The following ANTXR2 variants were observed in gnomAD, a reference collection of about 807,000 sequenced individuals.
ANTXR2 encodes ANTXR cell adhesion molecule 2.
ANTXR2 carries 44 observed loss-of-function variants against 73.7 expected under a neutral mutation model. The observed-to-expected ratio is 0.60, with a 90% CI of 0.47 to 0.77. The LOEUF (loss-of-function observed/expected upper bound fraction) is 0.77. Among genes scored for constraint, ANTXR2 ranks in the 30% least tolerant of loss-of-function variants. The pLI, the probability that ANTXR2 is intolerant of heterozygous loss-of-function variation, is 0.00. For missense variants in ANTXR2, 604 were observed against 592.5 expected (o/e 1.02, Z -0.20); for synonymous variants, 217 against 205.9 (o/e 1.05, Z -0.46).
At chr4:79,984,136 GGAGTTCT>G (rs1392586586) in intron 13 of ANTXR2, among the ~76,000 whole-genome samples, 166 bp from the exon 14 acceptor site, 2 of 151,990 alleles carry the variant, frequency 1.3e-5, no homozygotes, top group Non-Finnish European at 2.9e-5. Flanking sequence ...AATTTCAAGT[GGAGTTCT>G]ACAGGATATG....
chr4:79,926,733 G>A (rs1222820837), intron 16 of ANTXR2, among the ~76,000 whole-genome samples: 1 of 152,024 alleles, frequency 6.6e-6, no homozygotes, highest in Non-Finnish European at 1.5e-5. Context: ...AAGCAAAAAT[G>A]CCTGAGCTGG....
rs202239324 is a variant in ANTXR2, at chr4:80,033,725, T to C, written c.698-155A>G. Among the ~76,000 whole-genome samples the C allele has an allele frequency of 4.6e-5, 7 of 152,208 alleles. No homozygotes were observed. In the East Asian group the frequency reaches 1.3e-3, roughly 29 times the overall value. On this transcript the variant is annotated intron_variant, in intron 8 of 16. Transcript: ENST00000403729. ...GAAGACATAGCTCTATATTTCCAAC[T>C]GTGCTGGCTTTCCCAGACCCTCTAG... is the stretch of plus-strand genomic sequence containing the variant.
intron 16 of ANTXR2, among the ~76,000 whole-genome samples, chr4:79,960,533 C>G (rs1028567815): frequency 1.3e-5 from 2 of 151,832 alleles, no homozygotes; most frequent in African/African-American, 4.8e-5. Flanking sequence ...AGAAAAAAAA[C>G]TTGTAATTAT....
chr4:79,983,907 G>A lies in ANTXR2; in HGVS notation c.1150C>T (p.Arg384Ter), dbSNP rs760484866. 6.8e-6 allele frequency: 11 copies of A among 1,609,876 alleles called. No homozygotes were observed. The highest frequency in any genetic ancestry group is 1.7e-4 in the Middle Eastern group (1 of 6,052). ...PTVDASYYGG[R>*]GVGGIKRMEV... ...ATTCTTTTAATTCCTCCAACCCCTCGACCACCATAATAGGAAGCATCCACA... is the reference window on the plus strand; with the variant it reads ...ATTCTTTTAATTCCTCCAACCCCTCAACCACCATAATAGGAAGCATCCACA... The change falls in exon 14 of 17, where the codon CGA (arginine) becomes TGA (stop). Residue 384 changes from arginine to a stop codon, truncating the protein, a stop_gained. Coordinates refer to ENST00000403729, the MANE Select transcript of ANTXR2 (RefSeq NM_058172.6). LOFTEE classifies it high-confidence loss of function.
intron 16 of ANTXR2, among the ~76,000 whole-genome samples, chr4:79,909,655 A>AAT (rs1560840518): frequency 1.3e-5 from 2 of 151,750 alleles, no homozygotes; most frequent in African/African-American, 4.9e-5. Context: ...CAAAAAAAAA[A>AAT]AAATAAAGAA....
chr4:80,014,843 T>C (rs1049447470), intron 11 of ANTXR2, among the ~76,000 whole-genome samples: 3 of 152,128 alleles, frequency 2.0e-5, no homozygotes, highest in African/African-American at 7.2e-5. Context: ...TAGGAGAAAG[T>C]TTACTTTTCC....
At chr4:80,027,216 C>G (rs1469941119) in intron 10 of ANTXR2, among the ~76,000 whole-genome samples, 1 of 151,926 alleles carries the variant, frequency 6.6e-6, no homozygotes, top group Non-Finnish European at 1.5e-5. Flanking sequence ...ATTAGGGATT[C>G]TATAGACATA....
chr4:79,976,496 A>T (rs1729643330), intron 16 of ANTXR2, among the ~76,000 whole-genome samples: 1 of 152,200 alleles, frequency 6.6e-6, no homozygotes, highest in Non-Finnish European at 1.5e-5. Context: ...ACTTTCCATG[A>T]CAATGACCCG....
intron 12 of ANTXR2, among the ~76,000 whole-genome samples, chr4:79,988,454 T>C (rs181730481): frequency 2.0e-4 from 31 of 151,624 alleles, no homozygotes; most frequent in African/African-American, 7.0e-4. Flanking sequence ...GACTTAACTC[T>C]CCTAAATACA....
chr4:80,030,577 T>C (rs945118347), intron 10 of ANTXR2, among the ~76,000 whole-genome samples: 7 of 152,098 alleles, frequency 4.6e-5, no homozygotes, highest in African/African-American at 1.7e-4. Context: ...GTAAGCCATC[T>C]TGTGCAGCTT....
At chr4:79,914,217 C>T (rs976580946) in intron 16 of ANTXR2, among the ~76,000 whole-genome samples, 1 of 152,048 alleles carries the variant, frequency 6.6e-6, no homozygotes, top group Non-Finnish European at 1.5e-5. Flanking sequence ...TCATGTTTCC[C>T]TTTTATTATA....
At chr4:79,951,297 C>G (rs534148135) in intron 16 of ANTXR2, among the ~76,000 whole-genome samples, 1 of 152,124 alleles carries the variant, frequency 6.6e-6, no homozygotes, top group Non-Finnish European at 1.5e-5. Context: ...GAACAGGACT[C>G]TGCTGGGCGT....
At chr4:80,051,304 C>T (rs1254833199) in intron 7 of ANTXR2, among the ~76,000 whole-genome samples, 2 of 151,822 alleles carry the variant, frequency 1.3e-5, no homozygotes, top group East Asian at 1.9e-4. Flanking sequence ...AGGGGACTAC[C>T]ATACTCCAAA....
Position 80,031,649 on chromosome 4 carries a change from A to G in ANTXR2, c.840T>C (p.Pro280=). The G allele has an allele frequency of 6.5e-7, 1 of 1,529,630 alleles. No homozygotes were observed. The highest frequency in any genetic ancestry group is 1.4e-5 in the African/African-American group (1 of 69,990). 94.8% of individuals were successfully genotyped at this position (1,529,630 alleles called of 1,614,324 possible). A position where few individuals can be genotyped will look rare whatever the true frequency, so the allele number is the denominator to read the frequency against. ...VSVQLNSMLC[P]APILNKAGET... ...CTCCAGCTTTATTCAGGATAGGTGC[A>G]GGACAAAGCATAGAATTAAGCTGTA... The change falls in exon 10 of 17, where the codon CCT becomes CCC. Residue 280 remains proline, a synonymous_variant. Transcript: ENST00000403729.
chr4:79,907,285 G>A lies in ANTXR2; in HGVS notation c.*144C>T. On this transcript the variant is annotated 3_prime_UTR_variant, in exon 17 of 17. Transcript: ENST00000403729. ...ATGTTTGGTGCAAGCAAAGCAGAAG[G>A]CAGAGAAAACATTTCCCGACTGAGA... The A allele has an allele frequency of 2.3e-6, 2 of 854,952 alleles. No homozygotes were observed. Among genetic ancestry groups the A allele is most frequent in the Middle Eastern group, 2.2e-4 (1 of 4,570 alleles). The allele number at this position is 854,952 out of a possible 1,614,324, so 53.0% of individuals were successfully genotyped here.
intron 14 of ANTXR2, among the ~76,000 whole-genome samples, chr4:79,980,203 T>C (rs952313576): frequency 6.6e-6 from 1 of 152,156 alleles, no homozygotes; most frequent in Non-Finnish European, 1.5e-5. Context: ...AATTCATTAG[T>C]TTTAGTTCAT....
intron 16 of ANTXR2, among the ~76,000 whole-genome samples, chr4:79,930,124 T>C (rs2109959465): frequency 6.6e-6 from 1 of 152,320 alleles, no homozygotes; most frequent in East Asian, 1.9e-4. Flanking sequence ...TGAATTTCTA[T>C]GTCTTGGATA....
rs1729696882 is a variant in ANTXR2 at position 79,977,661 on chromosome 4, T to C, written c.1388A>G (p.Tyr463Cys). Reference sequence around the variant, plus strand: ...AGGTCGCATCAAAGAAACCCGGTCATACTGCCGCCTCAACAAAGCCCAGAG... The same window carrying C: ...AGGTCGCATCAAAGAAACCCGGTCACACTGCCGCCTCAACAAAGCCCAGAG... ...DALWALLRRQ[Y>C]DRVSLMRPQE... Residue 463 changes from tyrosine to cysteine, a missense_variant, in exon 16 of 17, where the codon TAT (tyrosine) becomes TGT (cysteine). Coordinates refer to ENST00000403729, the MANE Select transcript of ANTXR2 (RefSeq NM_058172.6). The C allele has an allele frequency of 6.3e-7, 1 of 1,581,700 alleles. No individual in the cohort carries two copies. The highest frequency in any genetic ancestry group is 1.2e-5 in the South Asian group (1 of 86,092).
At chr4:80,070,687 T>C (rs1176851412) in intron 2 of ANTXR2, among the ~76,000 whole-genome samples, 1 of 152,220 alleles carries the variant, frequency 6.6e-6, no homozygotes, top group African/African-American at 2.4e-5. Context: ...TGCCTAGGCC[T>C]CTACAGATTG....
Sources: gnomAD v4.1 joint callset for allele counts (sites outside exome capture counted in the v4.1 genomes callset) on GRCh38, gnomAD v4.1.1 for gene constraint, MANE v1.5 for transcripts, NCBI Gene and HGNC (gene_info 2026-07-23, HGNC 2026-07-21) for gene names.